TLN2: variants seen among roughly 807,000 people sequenced by gnomAD.
The protein encoded by TLN2 is talin 2.
A neutral mutation model predicts 294.7 loss-of-function variants in TLN2; 118 were observed. The ratio of observed to expected loss-of-function variants is 0.40; its 90% CI spans 0.34 to 0.47. TLN2 has a LOEUF of 0.47. Among genes scored for constraint, TLN2 ranks in the 20% least tolerant of loss-of-function variants. The pLI, the probability that TLN2 is intolerant of heterozygous loss-of-function variation, is 0.84. For synonymous variants in TLN2, 1,431 were observed against 1,304.5 expected (o/e 1.10, Z -2.09); for missense variants, 3,083 against 3,282.2 (o/e 0.94, Z 1.48).
chr15:62,529,167 C>G (rs1023574760), intron 1 of TLN2, among the ~76,000 whole-genome samples: 11 of 151,792 alleles, frequency 7.2e-5, no homozygotes, highest in Non-Finnish European at 1.6e-4. Flanking sequence ...GATCATGACT[C>G]CCTGCAGCCT....
intron 11 of TLN2, among the ~76,000 whole-genome samples, chr15:62,683,288 C>T (rs1312932570): frequency 6.6e-6 from 1 of 152,218 alleles, no homozygotes; most frequent in African/African-American, 2.4e-5. Flanking sequence ...AATCTCTACA[C>T]CAGTGAAAAG....
At chr15:62,498,670 C>G (rs1393915030) in intron 1 of TLN2, among the ~76,000 whole-genome samples, 1 of 152,046 alleles carries the variant, frequency 6.6e-6, no homozygotes, top group East Asian at 1.9e-4. Context: ...GAGGTACATC[C>G]ACGTATCTAC....
chr15:62,767,091 A>T (rs1054328771), intron 41 of TLN2, among the ~76,000 whole-genome samples: 1 of 152,184 alleles, frequency 6.6e-6, no homozygotes, highest in Non-Finnish European at 1.5e-5. Context: ...GTTTCCTAGC[A>T]TTTTATCAGT....
At chr15:62,491,349 T>TACACACACAC (rs1446456385) in intron 1 of TLN2, among the ~76,000 whole-genome samples, 13 of 84,564 alleles carry the variant, frequency 1.5e-4, no homozygotes, top group Admixed American at 5.6e-4. Flanking sequence ...TATATATATA[T>TACACACACAC]ATACACACAC....
intron 1 of TLN2, among the ~76,000 whole-genome samples, chr15:62,421,083 G>A (rs1461530903): frequency 6.6e-6 from 1 of 152,206 alleles, no homozygotes; most frequent in Non-Finnish European, 1.5e-5. Flanking sequence ...ATAATTTTGA[G>A]TTGGTTTGGC....
At position 62,673,310 on chromosome 15, in the gene TLN2, C is replaced by CTTTTTTTTTTTTTTTTTTTTTTTTTT. The variant is rs56258541; in HGVS notation, c.789-499_789-498insTTTTTTTTTTTTTTTTTTTTTTTTTT. On this transcript the variant is annotated intron_variant, in intron 9 of 58. Coordinates refer to ENST00000636159, the MANE Select transcript of TLN2 (RefSeq NM_015059.3). ...GTTTGCTTTAGATTTTTAGATGTTG[C>CTTTTTTTTTTTTTTTTTTTTTTTTTT]TTTTTTTTTTTTTTTTTTGCAATTT... Among the ~76,000 whole-genome samples the CTTTTTTTTTTTTTTTTTTTTTTTTTT allele has an allele frequency of 2.3e-4, 10 of 42,856 alleles. 1 individual carries two copies. Among genetic ancestry groups the CTTTTTTTTTTTTTTTTTTTTTTTTTT allele is most frequent in the Non-Finnish European group, 3.9e-4 (9 of 23,326 alleles). 28.1% of individuals were successfully genotyped at this position (42,856 alleles called of 152,430 possible).
chr15:62,615,454 T>A (rs904667610), intron 2 of TLN2, among the ~76,000 whole-genome samples: 31 of 152,252 alleles, frequency 2.0e-4, no homozygotes, highest in East Asian at 7.7e-4. Flanking sequence ...AGGAGTGACT[T>A]TTAATTTGGC....
rs565973765 is a variant in TLN2, at chr15:62,781,164, C to T, written c.5539C>T (p.Pro1847Ser). ...GCTGGATGAAGGCACTCCTCCAGAA[C>T]CAAAGGGAACATTTGTCGACTATCA... ...SKLDEGTPPE[P>S]KGTFVDYQTT... is the part of the protein sequence containing the mutation. Residue 1847 changes from proline to serine, a missense_variant, in exon 44 of 59, where the codon CCA becomes TCA. By Grantham distance (74) the Pro-to-Ser change is moderately conservative. Coordinates refer to ENST00000636159, the MANE Select transcript of TLN2 (RefSeq NM_015059.3). 1.9e-6 allele frequency: 3 copies of T among 1,614,112 alleles called. No individual in the cohort carries two copies. Among genetic ancestry groups the T allele is most frequent in the East Asian group, 2.2e-5 (1 of 44,874 alleles).
At chr15:62,830,143 A>T (rs867668999) in intron 54 of TLN2, 6 of 152,214 alleles carry the variant, frequency 3.9e-5, no homozygotes, top group African/African-American at 7.2e-5. Context: ...ACATGATCCA[A>T]TTGTGGAAAG....
At chr15:62,511,520 C>A (rs1476367510) in intron 1 of TLN2, among the ~76,000 whole-genome samples, 1 of 152,152 alleles carries the variant, frequency 6.6e-6, no homozygotes, top group Non-Finnish European at 1.5e-5. Flanking sequence ...GGAGGGTTGA[C>A]TTGCCTGGAA....
chr15:62,595,489 A>G (rs1350200378), intron 2 of TLN2, among the ~76,000 whole-genome samples: 1 of 152,056 alleles, frequency 6.6e-6, no homozygotes, highest in Non-Finnish European at 1.5e-5. Flanking sequence ...CTTGTACATC[A>G]CTGGAAAGAA....
At chr15:62,718,018 G>C (rs1444923557) in intron 24 of TLN2, among the ~76,000 whole-genome samples, 1 of 152,206 alleles carries the variant, frequency 6.6e-6, no homozygotes, top group Non-Finnish European at 1.5e-5. Context: ...GCCTTTCTTT[G>C]AGAGGCAGGA....
At chr15:62,638,417 A>G in intron 3 of TLN2, 1 of 417,610 alleles carries the variant, frequency 2.4e-6, no homozygotes, top group South Asian at 1.7e-5. Context: ...CCAACAATAT[A>G]CTTAATGATG....
intron 54 of TLN2, among the ~76,000 whole-genome samples, chr15:62,825,843 ATAAATATATTATATATAT>A (rs2068116070): frequency 1.2e-5 from 1 of 82,114 alleles, no homozygotes; most frequent in Non-Finnish European, 2.1e-5. Context: ...TATAATATAT[ATAAATATATTATATATAT>A]ATATATTTAT....
In TLN2 at chr15:62,716,420, C is replaced by T. The variant is rs1315617444; in HGVS notation, c.2724C>T (p.Ala908=). 3 of 1,609,886 alleles carry T rather than the reference C, an allele frequency of 1.9e-6. No individual in the cohort carries two copies. The African/African-American group carries it at 4.0e-5, about 22-fold the overall frequency. ...TCCGGGTAGCAACCAACGCAGCTGC[C>T]CAGAATGCTATTAAGAAAAAAATTG... ...EGLRVATNAA[A]QNAIKKKIVN... The change falls in exon 23 of 59, where the codon GCC becomes GCT. Residue 908 remains alanine (A), a synonymous_variant. Coordinates refer to ENST00000636159, the MANE Select transcript of TLN2 (RefSeq NM_015059.3).
intron 1 of TLN2, chr15:62,561,613 C>T (rs1041969018): frequency 6.6e-6 from 1 of 152,234 alleles, no homozygotes; most frequent in African/African-American, 2.4e-5. Context: ...CATTTCCAAG[C>T]ACTAATGAGC....
intron 2 of TLN2, among the ~76,000 whole-genome samples, chr15:62,617,437 A>G (rs1276441873): frequency 6.6e-6 from 1 of 152,010 alleles, no homozygotes; most frequent in African/African-American, 2.4e-5. Flanking sequence ...CTAATCTGTC[A>G]TGGCAAGGCA....
intron 1 of TLN2, among the ~76,000 whole-genome samples, chr15:62,462,399 T>C (rs1004697075): frequency 2.6e-5 from 4 of 152,202 alleles, no homozygotes; most frequent in Non-Finnish European, 5.9e-5. Context: ...GCCTGGGTCT[T>C]CTGAAAGGCC....
intron 1 of TLN2, among the ~76,000 whole-genome samples, chr15:62,576,955 G>A (rs945618017): frequency 1.3e-5 from 2 of 152,138 alleles, no homozygotes; most frequent in African/African-American, 2.4e-5. Context: ...TGGGAGGGCA[G>A]GTGTCCTGCC....
Sources: allele counts gnomAD v4.1 joint callset (sites outside exome capture counted in the v4.1 genomes callset), GRCh38; gene constraint gnomAD v4.1.1; transcripts MANE v1.5; gene names NCBI Gene and HGNC (gene_info 2026-07-23, HGNC 2026-07-21).